NOL8: variants seen among roughly 807,000 people sequenced by gnomAD.
The protein encoded by NOL8 is nucleolar protein 8.
Under a neutral mutation model 116.1 loss-of-function variants are expected in NOL8, and 93 were observed. That is an observed-to-expected ratio of 0.80 (90% CI 0.68 to 0.95). NOL8 has a LOEUF of 0.95. Ranked by LOEUF, NOL8 falls within the 40% of genes least tolerant of loss-of-function variation. The probability of loss-of-function intolerance (pLI) is 0.00; values close to 1 mark genes in which losing one functional copy is unlikely to be tolerated. For missense variants in NOL8, 1,291 were observed against 1,382.8 expected (o/e 0.93, Z 1.05); for synonymous variants, 419 against 469.0 (o/e 0.89, Z 1.38).
intron 6 of NOL8, among the ~76,000 whole-genome samples, chr9:92,316,787 C>T (rs2130719296): frequency 6.6e-6 from 1 of 152,050 alleles, no homozygotes; most frequent in Admixed American, 6.5e-5. Flanking sequence ...GAGAACCTGT[C>T]TTAAAAATAA....
Position 92,301,816 on chromosome 9 carries a change from T to G in NOL8, c.2910A>C (p.Ala970=). ...CTTCCTCCCTTTTCTTTTTTCGTTTTGCTTTACTGAAATGACATATGTAGA... is the reference window on the plus strand; with the variant it reads ...CTTCCTCCCTTTTCTTTTTTCGTTTGGCTTTACTGAAATGACATATGTAGA... ...KRDDKPKESK[A]KRKKKREEAE... is the part of the protein sequence containing the mutation. The change falls in exon 13 of 17, where the codon GCA becomes GCC. Residue 970 remains alanine (A), a synonymous_variant. Transcript: ENST00000442668. 1 of 1,582,758 alleles carries G rather than the reference T, an allele frequency of 6.3e-7. No individual in the cohort carries two copies. Among genetic ancestry groups the G allele is most frequent in the Non-Finnish European group, 8.6e-7 (1 of 1,163,486 alleles).
Position 92,314,369 on chromosome 9 carries a change from A to G in NOL8, c.2256T>C (p.Asp752=). ...ISNSSDVSAK[D]KHAEDNEKRL... is the part of the protein sequence containing the mutation. ...GCTTCTCATTGTCTTCAGCATGCTT[A>G]TCTTTAGCACTCACATCTGACGAAT... The change falls in exon 7 of 17, where the codon GAT becomes GAC. Residue 752 remains aspartate (D), a synonymous_variant. Coordinates refer to ENST00000442668, the MANE Select transcript of NOL8 (RefSeq NM_017948.6). 6.2e-7 allele frequency: 1 copy of G among 1,613,446 alleles called. No individual in the cohort carries two copies. Among genetic ancestry groups the G allele is most frequent in the Non-Finnish European group, 8.5e-7 (1 of 1,179,464 alleles).
chr9:92,302,735 G>T (rs1837860900), intron 12 of NOL8, among the ~76,000 whole-genome samples: 1 of 152,202 alleles, frequency 6.6e-6, no homozygotes, highest in South Asian at 2.1e-4. Flanking sequence ...CCTTGAGTGT[G>T]AGCTGGACTT....
intron 7 of NOL8, among the ~76,000 whole-genome samples, chr9:92,312,755 A>T (rs901833397): frequency 7.1e-6 from 1 of 141,282 alleles, no homozygotes; most frequent in Non-Finnish European, 1.5e-5. Flanking sequence ...TGAACCCAGG[A>T]GGCGGAGATT....
intron 7 of NOL8, 43 bp downstream of exon 7, chr9:92,314,224 T>A: frequency 6.7e-7 from 1 of 1,503,516 alleles, no homozygotes; most frequent in South Asian, 1.4e-5. Context: ...AAAGCTGAAC[T>A]TTCTGAGTTC....
At position 92,324,123 on chromosome 9, in the gene NOL8, AC is replaced by A. The variant is rs780421050; in HGVS notation, c.38del (p.Gly13ValfsTer48). The A allele has an allele frequency of 3.5e-5, 57 of 1,613,924 alleles. No homozygotes were observed. The highest frequency in any genetic ancestry group is 4.7e-5 in the Non-Finnish European group (56 of 1,179,896). ...VNRETKRLYV[G>X]GLSQDISEAD... ...CCTCAGAAATGTCCTGGCTAAGGCC[AC>A]CCACATAAAGGCGCTTCGTTTCTCT... On this transcript the variant is annotated frameshift_variant, in exon 2 of 17. Transcript: ENST00000442668. LOFTEE classifies it high-confidence loss of function.
chr9:92,315,958 C>T lies in NOL8; in HGVS notation c.667G>A (p.Val223Met). 1 of 1,613,922 alleles carries T rather than the reference C, an allele frequency of 6.2e-7. No homozygotes were observed. The highest frequency in any genetic ancestry group is 8.5e-7 in the Non-Finnish European group (1 of 1,179,882). ...FHGPPKKIIKVQKDESSTGSL... is the reference protein window; with the variant it reads ...FHGPPKKIIKMQKDESSTGSL... ...CCAGTGGAACTCTCATCCTTCTGCA[C>T]TTTTATTATCTTCTTGGGAGGGCCA... Residue 223 changes from valine to methionine, a missense_variant, in exon 7 of 17, where the codon GTG becomes ATG. Coordinates refer to ENST00000442668, the MANE Select transcript of NOL8 (RefSeq NM_017948.6).
Position 92,318,686 on chromosome 9 carries a change from T to C in NOL8, c.418A>G (p.Asn140Asp). ...CTTCCAAATTTGCTCACAACCCAAT[T>C]CTAAAAGAAAAAAAAAGAATTTATT... ...VPGTEVPGHKNWVVSKFGRVL... is the reference protein window; with the variant it reads ...VPGTEVPGHKDWVVSKFGRVL... The change falls in exon 6 of 17, where the codon AAT becomes GAT. Residue 140 changes from asparagine (N) to aspartate (D), a missense_variant and splice_region_variant. By Grantham distance (23) the Asn-to-Asp change is conservative (BLOSUM62 1). Coordinates refer to ENST00000442668, the MANE Select transcript of NOL8 (RefSeq NM_017948.6). The C allele has an allele frequency of 6.3e-7, 1 of 1,574,868 alleles. No individual in the cohort carries two copies. Among genetic ancestry groups the C allele is most frequent in the Non-Finnish European group, 8.6e-7 (1 of 1,163,478 alleles).
rs144462188 is a variant in NOL8 at position 92,315,467 on chromosome 9, C to A, written c.1158G>T (p.Ala386=). The part of the protein sequence containing the change: ...YDSGDTDEII[A]MKKNVAKVKN... Reference sequence around the variant, plus strand: ...TGACCTTAGCAACATTTTTTTTCATCGCAATAATTTCATCTGTATCTCCTG... The same window carrying A: ...TGACCTTAGCAACATTTTTTTTCATAGCAATAATTTCATCTGTATCTCCTG... The change falls in exon 7 of 17, where the codon GCG becomes GCT. Residue 386 remains alanine (A), a synonymous_variant. Coordinates refer to ENST00000442668, the MANE Select transcript of NOL8 (RefSeq NM_017948.6). 6.3e-7 allele frequency: 1 copy of A among 1,599,736 alleles called. No homozygotes were observed. The highest frequency in any genetic ancestry group is 1.1e-5 in the South Asian group (1 of 89,142).
At chr9:92,321,586 T>G in intron 4 of NOL8, 82 bp downstream of exon 4, 1 of 768,220 alleles carries the variant, frequency 1.3e-6, no homozygotes, top group Non-Finnish European at 2.1e-6. Context: ...AATACTATAT[T>G]ACTTGATAAT....
At chr9:92,318,501 T>G (rs1194265258) in intron 6 of NOL8, 117 bp downstream of exon 6, 1 of 739,022 alleles carries the variant, frequency 1.4e-6, no homozygotes, top group East Asian at 2.8e-5. Context: ...ACCAAGAAAC[T>G]GGGAACACGC....
At chr9:92,322,729 T>C (rs1840024152) in intron 3 of NOL8, 3 of 152,222 alleles carry the variant, frequency 2.0e-5, no homozygotes, top group African/African-American at 2.4e-5. Context: ...TTTAAGTAAC[T>C]TGCCACAGGT....
In NOL8 at chr9:92,315,592, C is replaced by G; in HGVS notation, c.1033G>C (p.Val345Leu). 9 of 1,612,894 alleles carry G rather than the reference C, an allele frequency of 5.6e-6. No individual in the cohort carries two copies. The highest frequency in any genetic ancestry group is 6.8e-6 in the Non-Finnish European group (8 of 1,179,556). Residue 345 changes from valine to leucine, a missense_variant, in exon 7 of 17, where the codon GTT (valine) becomes CTT (leucine). Transcript: ENST00000442668. Reference protein sequence around the residue: ...EVVRDDFKSGVHKLHSLIGLG... With the variant: ...EVVRDDFKSGLHKLHSLIGLG... ...CCTATTAAAGAATGCAGTTTGTGAACGCCTGATTTGAAATCATCCCTTACA... is the reference window on the plus strand; with the variant it reads ...CCTATTAAAGAATGCAGTTTGTGAAGGCCTGATTTGAAATCATCCCTTACA...
In NOL8 at chr9:92,324,075, GCTGAA is replaced by G. The variant is rs756613218; in HGVS notation, c.82_86del (p.Phe28GlnfsTer16). 9 of 1,613,870 alleles carry G rather than the reference GCTGAA, an allele frequency of 5.6e-6. No homozygotes were observed. Among genetic ancestry groups the G allele is most frequent in the African/African-American group, 5.3e-5 (4 of 74,922 alleles). On this transcript the variant is annotated frameshift_variant, in exon 2 of 17. Coordinates refer to ENST00000442668, the MANE Select transcript of NOL8 (RefSeq NM_017948.6). LOFTEE classifies it high-confidence loss of function. ...CCACATCCGAAACTTCTCCAAATCT[GCTGAA>G]CTGATTTTGTAGGTCTGCCTCAGAA...
At chr9:92,300,168 G>A in intron 13 of NOL8, 152 bp from the exon 14 acceptor site, 1 of 1,317,618 alleles carries the variant, frequency 7.6e-7, no homozygotes, top group Non-Finnish European at 9.7e-7. Flanking sequence ...AAAATAGGTA[G>A]TATCATCTTT....
chr9:92,323,528 CA>C, intron 2 of NOL8, 25 bp from the exon 3 acceptor site: 5 of 1,566,534 alleles, frequency 3.2e-6, no homozygotes, highest in Non-Finnish European at 3.5e-6. Flanking sequence ...AACAAACAAA[CA>C]AAACAATTTA....
intron 3 of NOL8, among the ~76,000 whole-genome samples, 158 bp from the exon 4 acceptor site, chr9:92,321,904 C>G (rs528647957): frequency 3.9e-4 from 59 of 152,230 alleles, no homozygotes; most frequent in African/African-American, 1.3e-3. Context: ...AGAGAGGGAG[C>G]CTAGGCTCTT....
chr9:92,303,021 T>C (rs779285254), intron 12 of NOL8, among the ~76,000 whole-genome samples: 1 of 152,214 alleles, frequency 6.6e-6, no homozygotes, highest in Non-Finnish European at 1.5e-5. Flanking sequence ...CCTAATTAGC[T>C]GGGTGATCTA....
chr9:92,306,843 G>A (rs1435232284), intron 11 of NOL8, 43 bp downstream of exon 11: 16 of 1,568,056 alleles, frequency 1.0e-5, no homozygotes, highest in Non-Finnish European at 1.3e-5. Flanking sequence ...GACATTTATG[G>A]CAAAGGATGA....
Sources: gnomAD v4.1 joint callset for allele counts (sites outside exome capture counted in the v4.1 genomes callset) on GRCh38, gnomAD v4.1.1 for gene constraint, MANE v1.5 for transcripts, NCBI Gene and HGNC (gene_info 2026-07-23, HGNC 2026-07-21) for gene names.